The following NDP variants were observed in gnomAD, a reference collection of about 807,000 sequenced individuals.
NDP encodes norrin cystine knot growth factor NDP.
Under a neutral mutation model 8.4 loss-of-function variants are expected in NDP, and 2 were observed. The ratio of observed to expected loss-of-function variants is 0.24; its 90% confidence interval spans 0.10 to 0.75. NDP has a LOEUF of 0.75. NDP is among the 30% of genes least tolerant of loss of function. The pLI is 0.73. For synonymous variants in NDP, 55 were observed against 45.6 expected (o/e 1.21, Z -0.83); for missense variants, 81 against 110.1 (o/e 0.74, Z 1.18).
intron 2 of NDP, among the ~76,000 whole-genome samples, chrX:43,955,062 T>C (rs1324748214): frequency 1.8e-5 from 2 of 111,825 alleles, no homozygotes; most frequent in African/African-American, 6.5e-5. Context: ...GTTTCTCTTT[T>C]ACTTTTATCC....
chrX:43,963,284 C>T (rs184075655), intron 1 of NDP, among the ~76,000 whole-genome samples: 195 of 111,850 alleles, frequency 1.7e-3, no homozygotes, highest in African/African-American at 5.9e-3. Flanking sequence ...TTCCTATCCT[C>T]GATCCCTCTT....
At chrX:43,964,243 G>C (rs1030387708) in intron 1 of NDP, among the ~76,000 whole-genome samples, 2 of 111,693 alleles carry the variant, frequency 1.8e-5, no homozygotes, top group Non-Finnish European at 3.8e-5. Flanking sequence ...CTCAGCAGTG[G>C]GGGTGATGGA....
At chrX:43,953,668 A>G (rs1361312190) in intron 2 of NDP, among the ~76,000 whole-genome samples, 1 of 113,434 alleles carries the variant, frequency 8.8e-6, no homozygotes, top group Non-Finnish European at 1.9e-5. Context: ...CTACACTATT[A>G]GGACAGATAA....
chrX:43,970,761 A>G (rs2035887261), intron 1 of NDP, among the ~76,000 whole-genome samples: 1 of 111,320 alleles, frequency 9.0e-6, no homozygotes. Flanking sequence ...TAATTCGATG[A>G]TTCATCAAGT....
chrX:43,956,229 T>G (rs1370267224), intron 2 of NDP, among the ~76,000 whole-genome samples: 2 of 112,032 alleles, frequency 1.8e-5, no homozygotes, highest in Non-Finnish European at 3.8e-5. Flanking sequence ...CTGGGTCACA[T>G]TCTCCCTTTC....
In NDP at chrX:43,958,563, C is replaced by G; in HGVS notation, c.83G>C (p.Ser28Thr). ...IMGDTDSKTD[S>T]SFIMDSDPRR... ...AGGGTCCGAGTCCATTATGAATGAG[C>G]TGTCCGTTTTACTGTCTGTATCTCC... Residue 28 changes from serine (S) to threonine (T), a missense_variant, in exon 2 of 3, where the codon AGC (serine) becomes ACC (threonine). Transcript: ENST00000642620. 1 of 1,211,001 alleles carries G rather than the reference C, an allele frequency of 8.3e-7. No individual in the cohort carries two copies. The highest frequency in any genetic ancestry group is 1.1e-6 in the Non-Finnish European group (1 of 894,522).
intron 1 of NDP, among the ~76,000 whole-genome samples, chrX:43,964,624 T>A (rs753438890): frequency 1.3e-3 from 150 of 111,609 alleles, no homozygotes; most frequent in African/African-American, 4.5e-3. Flanking sequence ...GTCGCCTATG[T>A]TGTTAGTGTT....
chrX:43,955,483 T>C (rs754359694), intron 2 of NDP, among the ~76,000 whole-genome samples: 170 of 112,398 alleles, frequency 1.5e-3, no homozygotes, highest in African/African-American at 5.3e-3. Context: ...CTCTCTCACT[T>C]CAAAGCCTGG....
At chrX:43,955,002 C>T (rs1057347172) in intron 2 of NDP, among the ~76,000 whole-genome samples, 1 of 111,503 alleles carries the variant, frequency 9.0e-6, no homozygotes, top group African/African-American at 3.3e-5. Context: ...CCCTCCAGCC[C>T]CTCCTTCCTC....
intron 2 of NDP, among the ~76,000 whole-genome samples, chrX:43,952,340 A>C (rs1457626414): frequency 9.0e-6 from 1 of 111,516 alleles, no homozygotes; most frequent in Non-Finnish European, 1.9e-5. Context: ...TAAATTTGCT[A>C]ATCTCTCATC....
At chrX:43,966,792 G>A (rs971107720) in intron 1 of NDP, among the ~76,000 whole-genome samples, 7 of 111,602 alleles carry the variant, frequency 6.3e-5, no homozygotes, top group African/African-American at 2.0e-4. Context: ...AAAGAGTGCA[G>A]CAAAGTGTTT....
At chrX:43,953,171 A>T (rs187844178) in intron 2 of NDP, 1 of 82,673 alleles carries the variant, frequency 1.2e-5, no homozygotes, top group East Asian at 4.2e-4. Context: ...CCTAGAAGGA[A>T]ATCTATCTCT....
intron 2 of NDP, among the ~76,000 whole-genome samples, chrX:43,950,856 T>C (rs1264008406): frequency 9.0e-6 from 1 of 111,643 alleles, no homozygotes; most frequent in Non-Finnish European, 1.9e-5. Context: ...CTACCAAAGT[T>C]ATCCCCAGAA....
intron 1 of NDP, among the ~76,000 whole-genome samples, chrX:43,966,042 A>C (rs2035856211): frequency 8.9e-6 from 1 of 112,229 alleles, no homozygotes; most frequent in Non-Finnish European, 1.9e-5. Context: ...GACATAACTA[A>C]TTGACTTTTA....
At chrX:43,966,789 G>A (rs1418814554) in intron 1 of NDP, among the ~76,000 whole-genome samples, 1 of 111,555 alleles carries the variant, frequency 9.0e-6, no homozygotes, top group East Asian at 2.8e-4. Flanking sequence ...TTCAAAGAGT[G>A]CAGCAAAGTG....
At chrX:43,963,386 G>C (rs969141106) in intron 1 of NDP, among the ~76,000 whole-genome samples, 2 of 111,300 alleles carry the variant, frequency 1.8e-5, no homozygotes, top group African/African-American at 6.5e-5. Context: ...CATCTAATTT[G>C]TATCCAGTAT....
At chrX:43,957,908 C>A (rs1407769489) in intron 2 of NDP, among the ~76,000 whole-genome samples, 2 of 107,021 alleles carry the variant, frequency 1.9e-5, no homozygotes, top group African/African-American at 6.9e-5. Flanking sequence ...CACGGACTGC[C>A]TCTGCAAGAA....
intron 1 of NDP, among the ~76,000 whole-genome samples, chrX:43,962,956 G>T (rs1226124190): frequency 8.9e-6 from 1 of 112,064 alleles, no homozygotes; most frequent in African/African-American, 3.2e-5. Flanking sequence ...ATGGTGTTGT[G>T]CCCACAGATC....
At chrX:43,950,212 C>T in intron 2 of NDP, 186 bp from the exon 3 acceptor site, 1 of 459,261 alleles carries the variant, frequency 2.2e-6, no homozygotes, top group Non-Finnish European at 3.8e-6. Context: ...GAATTAAAAT[C>T]CTTGGAGATA....
Sources: gnomAD v4.1 joint callset for allele counts (sites outside exome capture counted in the v4.1 genomes callset) on GRCh38, gnomAD v4.1.1 for gene constraint, MANE v1.5 for transcripts, NCBI Gene and HGNC (gene_info 2026-07-23, HGNC 2026-07-21) for gene names.